Variants in LRBA observed in about 807,000 individuals in gnomAD.
LRBA encodes LPS responsive beige-like anchor protein, also known as lipopolysaccharide-responsive and beige-like anchor protein.
LRBA carries 176 observed loss-of-function variants against 330.0 expected under a neutral mutation model. That is an observed-to-expected ratio of 0.53 (90% CI 0.47 to 0.60). LRBA has a LOEUF of 0.60. LRBA is among the 20% of genes least tolerant of loss of function. The pLI, the probability that LRBA is intolerant of heterozygous loss-of-function variation, is 0.00. For missense variants in LRBA, 3,259 were observed against 3,444.8 expected, an observed-to-expected ratio of 0.95 and a Z score of 1.35; for synonymous variants, 1,230 against 1,193.0, an observed-to-expected ratio of 1.03 and a Z score of -0.64.
intron 37 of LRBA, among the ~76,000 whole-genome samples, chr4:150,680,955 A>T (rs531324621): frequency 6.6e-6 from 1 of 152,214 alleles, no homozygotes; most frequent in African/African-American, 2.4e-5. Flanking sequence ...CCATGGCTAC[A>T]AGCAAATTAC....
intron 34 of LRBA, among the ~76,000 whole-genome samples, chr4:150,792,699 G>T (rs1295815658): frequency 1.3e-5 from 2 of 152,046 alleles, no homozygotes; most frequent in Non-Finnish European, 2.9e-5. Context: ...TAGAGATAGG[G>T]TCTTGCTATG....
chr4:150,535,279 C>T (rs755513587), intron 40 of LRBA, among the ~76,000 whole-genome samples: 2 of 151,942 alleles, frequency 1.3e-5, no homozygotes, highest in Non-Finnish European at 2.9e-5. Flanking sequence ...AACTACAGGC[C>T]CATGCCACTA....
chr4:150,534,956 G>A (rs901275675), intron 40 of LRBA, among the ~76,000 whole-genome samples: 10 of 152,118 alleles, frequency 6.6e-5, no homozygotes, highest in African/African-American at 2.2e-4. Context: ...TTAAACTGAT[G>A]AGAGTACATT....
At chr4:150,972,254 T>C (rs949943591) in intron 2 of LRBA, among the ~76,000 whole-genome samples, 5 of 152,124 alleles carry the variant, frequency 3.3e-5, no homozygotes, top group African/African-American at 1.2e-4. Flanking sequence ...AACAAACAGA[T>C]ATACTATTTA....
intron 48 of LRBA, among the ~76,000 whole-genome samples, chr4:150,345,530 C>T (rs950573775): frequency 1.3e-5 from 2 of 152,172 alleles, no homozygotes; most frequent in African/African-American, 4.8e-5. Flanking sequence ...AAAGAACTAA[C>T]ACTTGCTGAG....
chr4:150,443,880 T>A (rs866733871), intron 44 of LRBA, among the ~76,000 whole-genome samples: 5,401 of 62,898 alleles, frequency 0.086, 145 homozygotes, highest in Non-Finnish European at 0.11. Context: ...ATATTTTTTT[T>A]TTTTTTTTTT....
At chr4:150,506,930 A>T (rs962512603) in intron 40 of LRBA, among the ~76,000 whole-genome samples, 1 of 152,072 alleles carries the variant, frequency 6.6e-6, no homozygotes, top group Non-Finnish European at 1.5e-5. Context: ...TTATACACGA[A>T]TAACAGACAA....
intron 47 of LRBA, among the ~76,000 whole-genome samples, chr4:150,375,696 C>T (rs541544650): frequency 2.0e-5 from 3 of 151,642 alleles, no homozygotes; most frequent in Non-Finnish European, 2.9e-5. Flanking sequence ...CCTCGTGATC[C>T]GCTTTGGCCT....
At chr4:150,504,664 G>A (rs544549196) in intron 40 of LRBA, among the ~76,000 whole-genome samples, 1 of 152,248 alleles carries the variant, frequency 6.6e-6, no homozygotes, top group Admixed American at 6.5e-5. Flanking sequence ...GACCATCAAG[G>A]CTAGGAAGAA....
At position 150,916,539 on chromosome 4, in the gene LRBA, A is replaced by T; in HGVS notation, c.768-12T>A. On this transcript the variant is annotated splice_polypyrimidine_tract_variant and intron_variant, in intron 6 of 56. Coordinates refer to ENST00000651943, the MANE Select transcript of LRBA (RefSeq NM_001364905.1). The stretch of plus-strand genomic sequence containing the variant: ...TGCTGGTTCTGAAACTATAAAGAAT[A>T]GTTTTCATTTTACCTCTAAATATTC... The T allele has an allele frequency of 6.2e-7, 1 of 1,610,494 alleles. No homozygotes were observed. The highest frequency in any genetic ancestry group is 8.5e-7 in the Non-Finnish European group (1 of 1,179,188).
At chr4:150,801,081 G>C (rs894882464) in intron 33 of LRBA, among the ~76,000 whole-genome samples, 3 of 151,940 alleles carry the variant, frequency 2.0e-5, no homozygotes, top group Non-Finnish European at 4.4e-5. Context: ...GAATATAAGA[G>C]CCCTCTTGTT....
intron 36 of LRBA, among the ~76,000 whole-genome samples, chr4:150,684,902 C>T (rs191765644): frequency 6.6e-6 from 1 of 152,152 alleles, no homozygotes; most frequent in African/African-American, 2.4e-5. Context: ...CCCACCACCA[C>T]CCCAGCAACA....
chr4:150,856,789 T>C (rs1258986131), intron 22 of LRBA, among the ~76,000 whole-genome samples: 1 of 152,186 alleles, frequency 6.6e-6, no homozygotes, highest in Non-Finnish European at 1.5e-5. Flanking sequence ...GACTAGTCAT[T>C]AATCTTCACA....
intron 37 of LRBA, among the ~76,000 whole-genome samples, chr4:150,678,187 G>A (rs1782739280): frequency 6.6e-6 from 1 of 151,610 alleles, no homozygotes; most frequent in Admixed American, 6.6e-5. Flanking sequence ...GTTGCAGTGA[G>A]CTGAGATCCT....
At chr4:150,758,928 T>TC (rs992616738) in intron 35 of LRBA, among the ~76,000 whole-genome samples, 1 of 151,958 alleles carries the variant, frequency 6.6e-6, no homozygotes, top group Non-Finnish European at 1.5e-5. Context: ...AGTCATTTTT[T>TC]CCCCACGACA....
At chr4:150,645,207 T>G (rs1779014503) in intron 37 of LRBA, among the ~76,000 whole-genome samples, 1 of 151,292 alleles carries the variant, frequency 6.6e-6, no homozygotes, top group South Asian at 2.1e-4. Flanking sequence ...GACTGATTTT[T>G]TTTTTTTTCT....
chr4:150,899,310 A>G (rs1730468228), intron 14 of LRBA, among the ~76,000 whole-genome samples: 1 of 152,184 alleles, frequency 6.6e-6, no homozygotes, highest in African/African-American at 2.4e-5. Context: ...TTGCTACTAC[A>G]AAGGAAGCGA....
chr4:150,302,535 A>T, intron 53 of LRBA, 90 bp downstream of exon 53: 1 of 753,364 alleles, frequency 1.3e-6, no homozygotes, highest in Non-Finnish European at 2.0e-6. Context: ...ATCCTGTCTC[A>T]CTTTTACCAT....
intron 37 of LRBA, among the ~76,000 whole-genome samples, chr4:150,653,800 A>C (rs1271432185): frequency 6.6e-6 from 1 of 152,182 alleles, no homozygotes; most frequent in Admixed American, 6.5e-5. Flanking sequence ...TAACATAATT[A>C]CTTATTTGCT....
Sources: gnomAD v4.1 joint callset for allele counts (sites outside exome capture counted in the v4.1 genomes callset) on GRCh38, gnomAD v4.1.1 for gene constraint, MANE v1.5 for transcripts, NCBI Gene and HGNC (gene_info 2026-07-23, HGNC 2026-07-21) for gene names.